UNC45A: variants seen among roughly 807,000 people sequenced by gnomAD.
UNC45A encodes the protein unc-45 myosin chaperone A.
A neutral mutation model predicts 103.2 loss-of-function variants in UNC45A; 78 were observed. The observed-to-expected ratio is 0.76, with a 90% CI of 0.63 to 0.91. The LOEUF (loss-of-function observed/expected upper bound fraction) is 0.91. Among genes scored for constraint, UNC45A ranks in the 40% least tolerant of loss-of-function variants. The pLI, the probability that UNC45A is intolerant of heterozygous loss-of-function variation, is 0.00. For synonymous variants in UNC45A, 495 were observed against 504.6 expected (o/e 0.98, Z 0.25); for missense variants, 1,193 against 1,224.8 (o/e 0.97, Z 0.39).
chr15:90,935,596 G>T lies in UNC45A; in HGVS notation c.104G>T (p.Gly35Val), dbSNP rs537021201. Residue 35 changes from glycine to valine, a missense_variant, in exon 2 of 20, where the codon GGA becomes GTA. Gly to Val is a moderately radical substitution (Grantham distance 109). Transcript: ENST00000418476. ...RKEGNELFKC[G>V]DYGGALAAYT... ...GAGGGCAATGAGCTGTTCAAATGTG[G>T]AGACTACGGGGGCGCCCTGGCGGCC... The T allele has an allele frequency of 6.2e-7, 1 of 1,613,084 alleles. No individual in the cohort carries two copies.
At chr15:90,934,307 C>T, upstream of UNC45A, 1 of 399,126 alleles carries the variant, frequency 2.5e-6, no homozygotes, top group East Asian at 3.6e-5. Flanking sequence ...GCCCCTCCTG[C>T]TTGTCTCTAG....
At chr15:90,943,119 C>T (rs1318405019) in intron 8 of UNC45A, 37 bp downstream of exon 8, 1 of 1,569,854 alleles carries the variant, frequency 6.4e-7, no homozygotes, top group Non-Finnish European at 8.7e-7. Flanking sequence ...GCTTCAGCAG[C>T]TGAAGTTTGT....
chr15:90,931,520 C>T, upstream of UNC45A: 1 of 1,614,170 alleles, frequency 6.2e-7, no homozygotes, highest in Non-Finnish European at 8.5e-7. Context: ...ATGAGCTGTC[C>T]TGAAAACTTC....
rs935917151 is a variant in UNC45A, at chr15:90,942,473, G to A, written c.724G>A (p.Val242Ile). 6.2e-7 allele frequency: 1 copy of A among 1,613,996 alleles called. No individual in the cohort carries two copies. The highest frequency in any genetic ancestry group is 8.5e-7 in the Non-Finnish European group (1 of 1,179,954). ...ATLSILGTRR[V>I]VSILGVESQA... ...CCTGAGCATACTGGGAACTCGGCGAGTAGTCTCCATCCTGGGCGTGGAAAG... is the reference window on the plus strand; with the variant it reads ...CCTGAGCATACTGGGAACTCGGCGAATAGTCTCCATCCTGGGCGTGGAAAG... The change falls in exon 7 of 20, where the codon GTA becomes ATA. Residue 242 changes from valine (V) to isoleucine (I), a missense_variant. By Grantham distance (29) the Val-to-Ile change is conservative. Transcript: ENST00000418476.
chr15:90,931,384 T>TG (rs1335328103), upstream of UNC45A: 1 of 1,564,784 alleles, frequency 6.4e-7, no homozygotes, highest in East Asian at 2.4e-5. Context: ...GAAGTATTCC[T>TG]GGACTCGATG....
chr15:90,949,036 C>T (rs1433298489), intron 13 of UNC45A, among the ~76,000 whole-genome samples: 2 of 151,964 alleles, frequency 1.3e-5, no homozygotes, highest in African/African-American at 4.8e-5. Context: ...GCCACCATGC[C>T]TGGCTAATTT....
intron 9 of UNC45A, among the ~76,000 whole-genome samples, chr15:90,946,359 A>G (rs575194970): frequency 3.9e-5 from 6 of 152,210 alleles, no homozygotes; most frequent in African/African-American, 9.6e-5. Flanking sequence ...TCAGAGCTTA[A>G]GTCCAGGAAG....
At position 90,935,608 on chromosome 15, in the gene UNC45A, G is replaced by T. The variant is rs2035969500; in HGVS notation, c.116G>T (p.Gly39Val). The T allele has an allele frequency of 6.2e-7, 1 of 1,613,306 alleles. No homozygotes were observed. The highest frequency in any genetic ancestry group is 1.1e-5 in the South Asian group (1 of 90,932). ...NELFKCGDYG[G>V]ALAAYTQALG... The stretch of plus-strand genomic sequence containing the variant: ...CTGTTCAAATGTGGAGACTACGGGG[G>T]CGCCCTGGCGGCCTACACTCAGGCC... Residue 39 changes from glycine (G) to valine (V), a missense_variant, in exon 2 of 20, where the codon GGC (glycine) becomes GTC (valine). Coordinates refer to ENST00000418476, the MANE Select transcript of UNC45A (RefSeq NM_018671.5).
chr15:90,937,672 G>C (rs1329977737), intron 4 of UNC45A, among the ~76,000 whole-genome samples: 1 of 152,030 alleles, frequency 6.6e-6, no homozygotes, highest in Non-Finnish European at 1.5e-5. Flanking sequence ...ATTTTTAGTA[G>C]AGATGCGGTT....
Position 90,948,722 on chromosome 15 carries a change from C to T in UNC45A, c.1806C>T (p.Tyr602=), listed in dbSNP as rs755846130. Residue 602 remains tyrosine (Y), a synonymous_variant, in exon 13 of 20, where the codon TAC becomes TAT. Transcript: ENST00000418476. The stretch of plus-strand genomic sequence containing the variant: ...TGAACTGCACCAACAGCTATGACTA[C>T]GAGGAGCCCGACCCCAAGATGGTGG... ...ALVNCTNSYD[Y]EEPDPKMVEL... is the part of the protein sequence containing the mutation. The T allele has an allele frequency of 8.7e-6, 14 of 1,613,854 alleles. No homozygotes were observed. Among genetic ancestry groups the T allele is most frequent in the East Asian group, 6.7e-5 (3 of 44,888 alleles).
In UNC45A at chr15:90,938,212, G is replaced by C. The variant is rs148110428; in HGVS notation, c.427-1519G>C. Among the ~76,000 whole-genome samples the C allele has an allele frequency of 1.8e-4, 27 of 152,294 alleles. No homozygotes were observed. The East Asian group carries it at 5.0e-3, about 28-fold the overall frequency. On this transcript the variant is annotated intron_variant, in intron 4 of 19. Transcript: ENST00000418476. ...ATGGGATTGAGAGGGCTTTCCAAAG[G>C]AGACTGCATCACCTGTTCATATTTT...
chr15:90,948,350 C>T (rs554579731), intron 12 of UNC45A, 67 bp downstream of exon 12: 27 of 1,593,140 alleles, frequency 1.7e-5, no homozygotes, highest in Middle Eastern at 1.7e-4. Context: ...CAGGCTTTCT[C>T]GGCAGGGCTT....
chr15:90,946,554 G>C, intron 9 of UNC45A, 60 bp from the exon 10 acceptor site: 1 of 1,494,872 alleles, frequency 6.7e-7, no homozygotes, highest in South Asian at 1.3e-5. Context: ...GGGGAAGGGA[G>C]GGAAGAAGAG....
chr15:90,937,546 G>A (rs1170316193), intron 4 of UNC45A, among the ~76,000 whole-genome samples: 2 of 151,228 alleles, frequency 1.3e-5, no homozygotes, highest in African/African-American at 4.9e-5. Context: ...GAGTGCAGTG[G>A]TGCGAACTTG....
chr15:90,948,486 G>C, intron 12 of UNC45A, 168 bp from the exon 13 acceptor site: 1 of 1,293,642 alleles, frequency 7.7e-7, no homozygotes, highest in Non-Finnish European at 1.0e-6. Context: ...GAGCTGGGGA[G>C]GTCAAGTTTG....
At chr15:90,943,996 T>G (rs1396773466) in intron 8 of UNC45A, among the ~76,000 whole-genome samples, 1 of 147,568 alleles carries the variant, frequency 6.8e-6, no homozygotes, top group Non-Finnish European at 1.5e-5. Context: ...GTTTTTTTTT[T>G]TTTTTTTTTT....
Position 90,952,623 on chromosome 15 carries a change from C to G in UNC45A, c.2304-306C>G, listed in dbSNP as rs138450040. 3.4e-3 allele frequency: 1,076 copies of G among 315,956 alleles called. 6 individuals are homozygous for G. The highest frequency in any genetic ancestry group is 0.014 in the African/African-American group (648 of 47,780). 19.6% of individuals were successfully genotyped at this position (315,956 alleles called of 1,614,324 possible). A position where few individuals can be genotyped will look rare whatever the true frequency, so the allele number is the denominator to read the frequency against. On this transcript the variant is annotated intron_variant, in intron 17 of 19. Coordinates refer to ENST00000418476, the MANE Select transcript of UNC45A (RefSeq NM_018671.5). The stretch of plus-strand genomic sequence containing the variant: ...TCTTTTTAGTAGAGACAAGGTTTCA[C>G]CATGTTGGCCAGGCTGGTCTCGAAC...
chr15:90,945,781 C>G (rs889632378), intron 9 of UNC45A, among the ~76,000 whole-genome samples: 3 of 151,384 alleles, frequency 2.0e-5, no homozygotes, highest in African/African-American at 7.3e-5. Flanking sequence ...AATAGGCACC[C>G]ACCACCACGC....
upstream of UNC45A, chr15:90,935,272 C>G: frequency 6.5e-7 from 1 of 1,546,686 alleles, no homozygotes; most frequent in Non-Finnish European, 8.8e-7. Flanking sequence ...CGAACCCAGA[C>G]TCGCCCCGCC....
Sources: allele counts gnomAD v4.1 joint callset (sites outside exome capture counted in the v4.1 genomes callset), GRCh38; gene constraint gnomAD v4.1.1; transcripts MANE v1.5; gene names NCBI Gene and HGNC (gene_info 2026-07-23, HGNC 2026-07-21).